ZFPM2: variants seen among roughly 807,000 people sequenced by gnomAD.
ZFPM2 encodes zinc finger protein, FOG family member 2, also known as zinc finger protein ZFPM2.
Under a neutral mutation model 98.6 loss-of-function variants are expected in ZFPM2, and 20 were observed. That is an observed-to-expected ratio of 0.20 (90% confidence interval 0.14 to 0.29). The LOEUF (loss-of-function observed/expected upper bound fraction) is 0.29, where lower values mean the gene tolerates loss of function less well. ZFPM2 is among the 10% of genes least tolerant of loss of function. The pLI is 1.00. For synonymous variants in ZFPM2, 518 were observed against 502.7 expected, an observed-to-expected ratio of 1.03 and a Z score of -0.41; for missense variants, 1,310 against 1,388.6, an observed-to-expected ratio of 0.94 and a Z score of 0.90.
chr8:105,441,420 A>AAAAG (rs1332057816), intron 2 of ZFPM2, among the ~76,000 whole-genome samples: 2 of 118,978 alleles, frequency 1.7e-5, no homozygotes, highest in Non-Finnish European at 1.6e-5. Flanking sequence ...TCAACAAAAA[A>AAAAG]AAAGAAAGAA....
intron 1 of ZFPM2, among the ~76,000 whole-genome samples, chr8:105,347,994 C>T (rs933593888): frequency 5.3e-5 from 8 of 152,082 alleles, no homozygotes; most frequent in Non-Finnish European, 1.2e-4. Flanking sequence ...ACCAACTTTT[C>T]CTATCCAGCT....
chr8:105,792,479 T>G (rs1164848235), intron 6 of ZFPM2, among the ~76,000 whole-genome samples: 1 of 152,256 alleles, frequency 6.6e-6, no homozygotes, highest in African/African-American at 2.4e-5. Context: ...TTCTGTTCTT[T>G]TACATTTGCT....
intron 1 of ZFPM2, among the ~76,000 whole-genome samples, chr8:105,351,354 C>CGTGTGTGTGTGTGTGTGTGT (rs139105567): frequency 7.6e-5 from 11 of 144,752 alleles, no homozygotes; most frequent in African/African-American, 2.6e-4. Flanking sequence ...TGCATTATTT[C>CGTGTGTGTGTGTGTGTGTGT]GTGTGTGTGT....
chr8:105,445,994 C>T (rs1342022110), intron 3 of ZFPM2, among the ~76,000 whole-genome samples: 1 of 151,824 alleles, frequency 6.6e-6, no homozygotes, highest in Non-Finnish European at 1.5e-5. Context: ...GATCTCGGCT[C>T]ACCACAACCT....
chr8:105,331,752 A>G (rs1272702427), intron 1 of ZFPM2, among the ~76,000 whole-genome samples: 1 of 151,830 alleles, frequency 6.6e-6, no homozygotes, highest in Non-Finnish European at 1.5e-5. Flanking sequence ...CAGCCCTATC[A>G]GAACTTTAAG....
At chr8:105,413,252 C>T (rs1273482963) in intron 1 of ZFPM2, among the ~76,000 whole-genome samples, 1 of 151,720 alleles carries the variant, frequency 6.6e-6, no homozygotes, top group Non-Finnish European at 1.5e-5. Context: ...TCAGTCCACT[C>T]CTTCCTTTTC....
intron 4 of ZFPM2, among the ~76,000 whole-genome samples, chr8:105,624,216 G>A (rs62528593): frequency 9.3e-4 from 141 of 152,252 alleles, no homozygotes; most frequent in Admixed American, 1.7e-3. Context: ...GTAAGAAGGG[G>A]TACTCGAGAG....
intron 3 of ZFPM2, among the ~76,000 whole-genome samples, chr8:105,452,406 GTATATAAGAAATATCTTTGCCATTCTTTT>G (rs1812502377): frequency 6.6e-6 from 1 of 151,820 alleles, no homozygotes; most frequent in Admixed American, 6.6e-5. Context: ...GTAGGAATTG[GTATATAAGAAATATCTTTGCCATTCTTTT>G]TATAACCTCC....
At chr8:105,665,655 C>T (rs1303513034) in intron 5 of ZFPM2, among the ~76,000 whole-genome samples, 3 of 152,156 alleles carry the variant, frequency 2.0e-5, no homozygotes, top group South Asian at 4.1e-4. Flanking sequence ...TCACTTCTGA[C>T]GTAGTGTTTA....
chr8:105,342,374 T>A (rs539713999), intron 1 of ZFPM2, among the ~76,000 whole-genome samples: 33 of 152,088 alleles, frequency 2.2e-4, no homozygotes, highest in South Asian at 1.9e-3. Context: ...GTTAGCACAG[T>A]TGCTCTAGGA....
rs1467599927 is a variant in ZFPM2, at chr8:105,743,984, T to C, written c.533-44734T>C. Among the ~76,000 whole-genome samples, 6 of 152,244 alleles carry C rather than the reference T, an allele frequency of 3.9e-5. No individual in the cohort carries two copies. The East Asian group carries it at 1.2e-3, about 29-fold the overall frequency. On this transcript the variant is annotated intron_variant, in intron 5 of 7. Transcript: ENST00000407775. ...GAATTATTATTTGAAAGTGCCTGTG[T>C]ACTTTTGTACTCTTCAACCTATGTG...
intron 4 of ZFPM2, among the ~76,000 whole-genome samples, chr8:105,630,499 G>A (rs1816737574): frequency 6.6e-6 from 1 of 152,084 alleles, no homozygotes; most frequent in Non-Finnish European, 1.5e-5. Flanking sequence ...ATAGCTTTCA[G>A]CAAGTCTTTG....
At chr8:105,751,502 CA>C in intron 5 of ZFPM2, among the ~76,000 whole-genome samples, 1 of 152,188 alleles carries the variant, frequency 6.6e-6, no homozygotes, top group South Asian at 2.1e-4. Flanking sequence ...TCATGACTCA[CA>C]ATCTGCTGCA....
chr8:105,699,468 G>A (rs1469933784), intron 5 of ZFPM2, among the ~76,000 whole-genome samples: 2 of 152,136 alleles, frequency 1.3e-5, no homozygotes, highest in African/African-American at 4.8e-5. Context: ...AGCCACACTG[G>A]TATTTTTCTA....
chr8:105,683,425 T>G (rs1810657649), intron 5 of ZFPM2, among the ~76,000 whole-genome samples: 1 of 152,142 alleles, frequency 6.6e-6, no homozygotes, highest in East Asian at 1.9e-4. Flanking sequence ...CAAATTTTTT[T>G]GGGAACAGGG....
At chr8:105,780,883 A>G (rs1322129793) in intron 5 of ZFPM2, among the ~76,000 whole-genome samples, 1 of 152,236 alleles carries the variant, frequency 6.6e-6, no homozygotes, top group Non-Finnish European at 1.5e-5. Context: ...TCCGTCTCAA[A>G]TAAATAAAAG....
intron 4 of ZFPM2, among the ~76,000 whole-genome samples, chr8:105,604,313 C>T (rs1408179816): frequency 2.0e-5 from 3 of 152,004 alleles, no homozygotes; most frequent in African/African-American, 4.8e-5. Flanking sequence ...ACTTCCAGAG[C>T]TATCCTGGTT....
intron 5 of ZFPM2, among the ~76,000 whole-genome samples, chr8:105,683,033 G>A (rs1810644523): frequency 6.6e-6 from 1 of 152,046 alleles, no homozygotes; most frequent in Non-Finnish European, 1.5e-5. Context: ...TTCTTGTTCT[G>A]TGTCCTTACA....
chr8:105,521,848 A>T (rs1234995187), intron 3 of ZFPM2, among the ~76,000 whole-genome samples: 1 of 152,236 alleles, frequency 6.6e-6, no homozygotes, highest in Non-Finnish European at 1.5e-5. Context: ...AAGTGCTGGG[A>T]TTACAGGCAT....
Sources: allele counts gnomAD v4.1 joint callset (sites outside exome capture counted in the v4.1 genomes callset), GRCh38; gene constraint gnomAD v4.1.1; transcripts MANE v1.5; gene names NCBI Gene and HGNC (gene_info 2026-07-23, HGNC 2026-07-21).